HIVEP3: variants seen among roughly 807,000 people sequenced by gnomAD.
HIVEP3 encodes the protein transcription factor HIVEP3.
HIVEP3 carries 49 observed loss-of-function variants against 152.8 expected under a neutral mutation model. That is an observed-to-expected ratio of 0.32 (90% CI 0.26 to 0.41). The LOEUF (loss-of-function observed/expected upper bound fraction) is 0.41, where lower values mean the gene tolerates loss of function less well. HIVEP3 is among the 10% of genes least tolerant of loss of function. HIVEP3 has a pLI of 1.00. For missense variants in HIVEP3, 2,790 were observed against 3,103.3 expected, an observed-to-expected ratio of 0.90 and a Z score of 2.40; for synonymous variants, 1,269 against 1,289.0, an observed-to-expected ratio of 0.98 and a Z score of 0.33.
At chr1:41,896,378 T>A (rs1253020836) in intron 1 of HIVEP3, among the ~76,000 whole-genome samples, 1 of 152,190 alleles carries the variant, frequency 6.6e-6, no homozygotes, top group Non-Finnish European at 1.5e-5. Context: ...TTAACCACTG[T>A]GAACTTGCGT....
intron 1 of HIVEP3, among the ~76,000 whole-genome samples, chr1:41,855,839 TG>T (rs1248853831): frequency 6.6e-6 from 1 of 152,186 alleles, no homozygotes; most frequent in East Asian, 1.9e-4. Flanking sequence ...GTCTTGGTGA[TG>T]GCCAGACAAT....
chr1:41,513,470 C>A lies in HIVEP3; in HGVS notation c.5751G>T (p.Ser1917=), dbSNP rs779376927. The part of the protein sequence containing the change: ...ASGTEATRGS[S]VSEAERLTAS... ...CTGTCAGGCGCTCAGCTTCCGAGAC[C>A]GAGCTGCCTCGTGTAGCCTCCGTGC... Residue 1917 remains serine (S), a synonymous_variant, in exon 8 of 9, where the codon TCG becomes TCT. Coordinates refer to ENST00000372583, the MANE Select transcript of HIVEP3 (RefSeq NM_024503.5). The A allele has an allele frequency of 6.2e-7, 1 of 1,610,896 alleles. No homozygotes were observed. Among genetic ancestry groups the A allele is most frequent in the East Asian group, 2.2e-5 (1 of 44,832 alleles).
chr1:41,934,303 C>T (rs1030235203), intron 1 of HIVEP3, among the ~76,000 whole-genome samples: 1 of 152,150 alleles, frequency 6.6e-6, no homozygotes, highest in East Asian at 1.9e-4. Flanking sequence ...GCATATTCAA[C>T]AACCACCTTA....
chr1:41,794,717 T>C (rs1649889066), intron 1 of HIVEP3, among the ~76,000 whole-genome samples: 2 of 152,260 alleles, frequency 1.3e-5, no homozygotes, highest in Non-Finnish European at 2.9e-5. Flanking sequence ...ACTAAACTTT[T>C]CCCATGTTTA....
At chr1:41,972,117 C>T (rs1285172283) in intron 1 of HIVEP3, among the ~76,000 whole-genome samples, 1 of 152,198 alleles carries the variant, frequency 6.6e-6, no homozygotes, top group Non-Finnish European at 1.5e-5. Context: ...TAGGACAGTG[C>T]CTTTGTTTTC....
At chr1:41,630,756 T>C (rs1645183351) in intron 2 of HIVEP3, among the ~76,000 whole-genome samples, 1 of 152,226 alleles carries the variant, frequency 6.6e-6, no homozygotes. Flanking sequence ...CCAGCCACTC[T>C]GTACCAGACT....
At chr1:41,738,968 T>A (rs1646957588) in intron 1 of HIVEP3, among the ~76,000 whole-genome samples, 1 of 152,242 alleles carries the variant, frequency 6.6e-6, no homozygotes, top group South Asian at 2.1e-4. Flanking sequence ...ACATTTCACG[T>A]AGTTTCTGAA....
At chr1:41,846,231 T>G (rs1276625516) in intron 1 of HIVEP3, among the ~76,000 whole-genome samples, 2 of 152,212 alleles carry the variant, frequency 1.3e-5, no homozygotes, top group African/African-American at 4.8e-5. Flanking sequence ...ATTCTCCTTT[T>G]CTCTCATCCC....
chr1:41,884,332 C>T (rs1570734619), intron 1 of HIVEP3, among the ~76,000 whole-genome samples: 1 of 152,156 alleles, frequency 6.6e-6, no homozygotes, highest in African/African-American at 2.4e-5. Context: ...AATGGTGTTG[C>T]ACCAGACTAA....
At chr1:41,915,011 T>C (rs1644849753) in intron 1 of HIVEP3, among the ~76,000 whole-genome samples, 1 of 152,152 alleles carries the variant, frequency 6.6e-6, no homozygotes. Flanking sequence ...GATCATAAAG[T>C]TCTCAATTTC....
intron 1 of HIVEP3, among the ~76,000 whole-genome samples, chr1:41,743,369 T>C (rs1647025390): frequency 6.6e-6 from 1 of 152,196 alleles, no homozygotes; most frequent in Non-Finnish European, 1.5e-5. Context: ...TGTCTGTCTC[T>C]TTCAGTGCTA....
chr1:41,871,964 T>C (rs1644088207), intron 1 of HIVEP3, among the ~76,000 whole-genome samples: 1 of 152,226 alleles, frequency 6.6e-6, no homozygotes, highest in South Asian at 2.1e-4. Context: ...ATAAGTTGTA[T>C]TGAGGTATAA....
At chr1:41,836,213 C>T (rs1407895890) in intron 1 of HIVEP3, among the ~76,000 whole-genome samples, 1 of 152,242 alleles carries the variant, frequency 6.6e-6, no homozygotes, top group Non-Finnish European at 1.5e-5. Context: ...CGGGGCCTGG[C>T]TGAGCCCTCT....
intron 1 of HIVEP3, among the ~76,000 whole-genome samples, chr1:41,912,452 C>A (rs374085204): frequency 9.6e-4 from 146 of 152,306 alleles, no homozygotes; most frequent in African/African-American, 3.2e-3. Flanking sequence ...AGTTGCTGGG[C>A]AAAGATGCTC....
At chr1:41,926,654 G>C (rs1483428550) in intron 1 of HIVEP3, among the ~76,000 whole-genome samples, 4 of 152,108 alleles carry the variant, frequency 2.6e-5, no homozygotes, top group Non-Finnish European at 5.9e-5. Flanking sequence ...ACTGTGCTGG[G>C]AACTTCCCCC....
intron 3 of HIVEP3, among the ~76,000 whole-genome samples, chr1:41,618,180 T>A (rs1039125006): frequency 2.0e-5 from 3 of 152,196 alleles, no homozygotes; most frequent in African/African-American, 7.2e-5. Flanking sequence ...GGGAGGGCTG[T>A]TTGTTCCGCT....
At chr1:41,672,258 C>T (rs1021705506) in intron 2 of HIVEP3, among the ~76,000 whole-genome samples, 1 of 152,174 alleles carries the variant, frequency 6.6e-6, no homozygotes, top group Non-Finnish European at 1.5e-5. Flanking sequence ...TGTGGATACT[C>T]ACTCCCCTCC....
intron 1 of HIVEP3, among the ~76,000 whole-genome samples, chr1:41,846,990 A>G (rs1211558838): frequency 6.6e-6 from 1 of 152,220 alleles, no homozygotes; most frequent in Non-Finnish European, 1.5e-5. Context: ...AAGGCAACGG[A>G]AGCCAGAGCC....
intron 1 of HIVEP3, among the ~76,000 whole-genome samples, chr1:41,913,975 T>C (rs1413810583): frequency 6.6e-6 from 1 of 152,206 alleles, no homozygotes. Flanking sequence ...AGCTTCCCTA[T>C]ACTTCTCCCT....
Sources: allele counts gnomAD v4.1 joint callset (sites outside exome capture counted in the v4.1 genomes callset), GRCh38; gene constraint gnomAD v4.1.1; transcripts MANE v1.5; gene names NCBI Gene and HGNC (gene_info 2026-07-23, HGNC 2026-07-21).